Variants in GNA14 observed in about 807,000 individuals in gnomAD.
GNA14 encodes guanine nucleotide-binding protein subunit alpha-14.
Under a neutral mutation model 42.0 loss-of-function variants are expected in GNA14, and 50 were observed. The observed-to-expected ratio is 1.19, with a 90% confidence interval of 0.95 to 1.51. The LOEUF (loss-of-function observed/expected upper bound fraction) is 1.51. GNA14 is among the 40% of genes most tolerant of loss of function. The pLI is 0.00. For synonymous variants in GNA14, 173 were observed against 163.1 expected (o/e 1.06, Z -0.46); for missense variants, 473 against 446.2 (o/e 1.06, Z -0.54).
Position 77,466,134 on chromosome 9 carries a change from C to T in GNA14, c.310-31612G>A, listed in dbSNP as rs149401678. ...ATCCCACTTAGATTTCATGGAGGTC[C>T]TTGGATGCTTCGATTAGTGTTTTTC... On this transcript the variant is annotated intron_variant, in intron 2 of 6. Coordinates refer to ENST00000341700, the MANE Select transcript of GNA14 (RefSeq NM_004297.4). Among the ~76,000 whole-genome samples the T allele has an allele frequency of 9.7e-3, 1,479 of 152,164 alleles. 19 individuals are homozygous for T. Among genetic ancestry groups the T allele is most frequent in the African/African-American group, 0.033 (1,377 of 41,512 alleles).
intron 2 of GNA14, among the ~76,000 whole-genome samples, chr9:77,484,945 C>G (rs1836631134): frequency 1.1e-5 from 1 of 92,264 alleles, no homozygotes; most frequent in African/African-American, 4.5e-5. Context: ...GAGCATACAG[C>G]AAGTTATAAT....
chr9:77,488,874 T>C (rs1371486319), intron 2 of GNA14, among the ~76,000 whole-genome samples: 1 of 125,968 alleles, frequency 7.9e-6, no homozygotes, highest in African/African-American at 3.1e-5. Context: ...GAAACAGACA[T>C]ACATCACATG....
At chr9:77,460,325 C>T (rs990793854) in intron 2 of GNA14, among the ~76,000 whole-genome samples, 4 of 152,158 alleles carry the variant, frequency 2.6e-5, no homozygotes, top group African/African-American at 9.7e-5. Context: ...GTCCGCAAGC[C>T]GAGGAACACC....
chr9:77,547,948 G>A (rs920530179), intron 1 of GNA14, among the ~76,000 whole-genome samples: 3 of 152,186 alleles, frequency 2.0e-5, no homozygotes, highest in South Asian at 2.1e-4. Flanking sequence ...AGAGGAAGAA[G>A]CAAATGCAAT....
chr9:77,428,137 GGT>G, intron 5 of GNA14, among the ~76,000 whole-genome samples: 1 of 145,086 alleles, frequency 6.9e-6, no homozygotes, highest in South Asian at 2.2e-4. Flanking sequence ...GGAGTGCAGT[GGT>G]GCGATCTCGG....
intron 2 of GNA14, among the ~76,000 whole-genome samples, chr9:77,440,568 T>A (rs1175004770): frequency 2.0e-5 from 3 of 152,378 alleles, no homozygotes; most frequent in Non-Finnish European, 2.9e-5. Context: ...GACAAAATTG[T>A]ATATATTTAT....
intron 3 of GNA14, chr9:77,431,667 T>C (rs1322605450): frequency 6.5e-6 from 3 of 459,996 alleles, no homozygotes; most frequent in Non-Finnish European, 1.2e-5. Flanking sequence ...ATGCGCCTTC[T>C]GGGACATCTG....
At chr9:77,445,806 T>A (rs1835808160) in intron 2 of GNA14, among the ~76,000 whole-genome samples, 3 of 152,134 alleles carry the variant, frequency 2.0e-5, no homozygotes, top group African/African-American at 7.2e-5. Context: ...CGTGGTCATG[T>A]TATGTGGGAA....
intron 1 of GNA14, among the ~76,000 whole-genome samples, chr9:77,640,398 C>T (rs913698052): frequency 6.6e-6 from 1 of 152,166 alleles, no homozygotes; most frequent in Admixed American, 6.5e-5. Context: ...TATAGCCCTA[C>T]ACATGGGAGT....
chr9:77,643,639 T>A (rs1006438930), intron 1 of GNA14, among the ~76,000 whole-genome samples: 4 of 152,230 alleles, frequency 2.6e-5, no homozygotes, highest in Admixed American at 2.6e-4. Flanking sequence ...AATGGGATTT[T>A]GTTATAACCA....
At chr9:77,642,943 T>G (rs147704845) in intron 1 of GNA14, among the ~76,000 whole-genome samples, 1 of 152,230 alleles carries the variant, frequency 6.6e-6, no homozygotes, top group East Asian at 1.9e-4. Context: ...CGCAGACAAT[T>G]GTTTGCATCT....
intron 1 of GNA14, among the ~76,000 whole-genome samples, chr9:77,557,000 C>T (rs1822793865): frequency 6.6e-6 from 1 of 152,176 alleles, no homozygotes; most frequent in Non-Finnish European, 1.5e-5. Context: ...CCACCCCACA[C>T]AGCATGGGTT....
At chr9:77,559,392 G>C (rs1176591772) in intron 1 of GNA14, among the ~76,000 whole-genome samples, 1 of 152,146 alleles carries the variant, frequency 6.6e-6, no homozygotes, top group Non-Finnish European at 1.5e-5. Flanking sequence ...TAAAGGACTG[G>C]GGGAGCTGAA....
intron 1 of GNA14, among the ~76,000 whole-genome samples, chr9:77,638,595 T>C (rs1824215381): frequency 2.0e-5 from 3 of 152,210 alleles, no homozygotes; most frequent in Admixed American, 1.3e-4. Context: ...AAAGGTGAGT[T>C]TGGCTTCAGC....
intron 2 of GNA14, among the ~76,000 whole-genome samples, chr9:77,518,517 T>C (rs910306879): frequency 6.6e-6 from 1 of 152,100 alleles, no homozygotes; most frequent in Non-Finnish European, 1.5e-5. Flanking sequence ...CACTGGTCTG[T>C]CATAATGGTC....
At chr9:77,619,996 A>T (rs912618490) in intron 1 of GNA14, among the ~76,000 whole-genome samples, 1 of 152,200 alleles carries the variant, frequency 6.6e-6, no homozygotes, top group East Asian at 1.9e-4. Flanking sequence ...AAAGAAATAT[A>T]AAGAAATCTA....
chr9:77,493,026 A>ATATATATATATAT (rs1261356124), intron 2 of GNA14, among the ~76,000 whole-genome samples: 11 of 51,678 alleles, frequency 2.1e-4, no homozygotes, highest in East Asian at 1.1e-3. Context: ...AAAAAAAAAA[A>ATATATATATATAT]ATATATATAT....
rs572927668 is a variant in GNA14, at chr9:77,648,053, G to A, written c.-260C>T. On this transcript the variant is annotated 5_prime_UTR_variant, in exon 1 of 7. Transcript: ENST00000341700. ...TCCGGGCTCAGCCCGCCCCACTCTC[G>A]CTCTGGGGAGGAGGAGGGCGAGTCG... 1.9e-3 allele frequency: 961 copies of A among 503,228 alleles called. 2 individuals carry two copies. The highest frequency in any genetic ancestry group is 2.1e-3 in the Non-Finnish European group (600 of 287,536). The allele number at this position is 503,228 out of a possible 1,614,324, so 31.2% of individuals were successfully genotyped here.
intron 2 of GNA14, among the ~76,000 whole-genome samples, chr9:77,443,982 T>A (rs997172166): frequency 3.3e-5 from 5 of 152,152 alleles, no homozygotes; most frequent in Non-Finnish European, 7.4e-5. Flanking sequence ...ACCTTGTCTC[T>A]GAAAAAAACA....
Sources: allele counts gnomAD v4.1 joint callset (sites outside exome capture counted in the v4.1 genomes callset), GRCh38; gene constraint gnomAD v4.1.1; transcripts MANE v1.5; gene names NCBI Gene and HGNC (gene_info 2026-07-23, HGNC 2026-07-21).